ARHGEF12: variants seen among roughly 807,000 people sequenced by gnomAD.
The protein encoded by ARHGEF12 is KMT2A/ARHGEF12 fusion protein.
A neutral mutation model predicts 211.2 loss-of-function variants in ARHGEF12; 66 were observed. The ratio of observed to expected loss-of-function variants is 0.31; its 90% CI spans 0.26 to 0.38. The LOEUF (loss-of-function observed/expected upper bound fraction) is 0.38. ARHGEF12 is among the 10% of genes least tolerant of loss of function. ARHGEF12 has a pLI of 1.00. For synonymous variants in ARHGEF12, 592 were observed against 638.4 expected (o/e 0.93, Z 1.09); for missense variants, 1,429 against 1,869.5 (o/e 0.76, Z 4.34).
Position 120,485,698 on chromosome 11 carries a change from T to C in ARHGEF12, c.*621T>C. ...GCTTCTCTGAGGGTCACCTCAAAGG[T>C]ATGCTATGCCGTGTGGCTCTTATGT... On this transcript the variant is annotated 3_prime_UTR_variant, in exon 41 of 41. Coordinates refer to ENST00000397843, the MANE Select transcript of ARHGEF12 (RefSeq NM_015313.3). 1 of 233,870 alleles carries C rather than the reference T, an allele frequency of 4.3e-6. No homozygotes were observed. Among genetic ancestry groups the C allele is most frequent in the Non-Finnish European group, 8.5e-6 (1 of 118,190 alleles). The allele number at this position is 233,870 out of a possible 1,614,324, so 14.5% of individuals were successfully genotyped here. A position where few individuals can be genotyped will look rare whatever the true frequency, so the allele number is the denominator to read the frequency against.
At chr11:120,454,222 TCA>T (rs1946294732) in intron 22 of ARHGEF12, among the ~76,000 whole-genome samples, 1 of 152,104 alleles carries the variant, frequency 6.6e-6, no homozygotes, top group Admixed American at 6.5e-5. Context: ...AACACGAACA[TCA>T]TTACTCACCC....
intron 24 of ARHGEF12, 109 bp from the exon 25 acceptor site, chr11:120,457,971 A>G: frequency 7.5e-7 from 1 of 1,335,354 alleles, no homozygotes; most frequent in Non-Finnish European, 1.0e-6. Context: ...TTTCAGTGCT[A>G]AGTCAGATTC....
In ARHGEF12 at chr11:120,477,437, T is replaced by G. The variant is rs542449541; in HGVS notation, c.3453-10T>G. 2.1e-4 allele frequency: 335 copies of G among 1,577,078 alleles called. No homozygotes were observed. Among genetic ancestry groups the G allele is most frequent in the Admixed American group, 7.1e-4 (36 of 50,966 alleles). ...GGTAAAAGTTTTTTTTTTTTTTTTTTTCTCTACAGAGGAGATAATGATGAA... is the reference window on the plus strand; with the variant it reads ...GGTAAAAGTTTTTTTTTTTTTTTTTGTCTCTACAGAGGAGATAATGATGAA... On this transcript the variant is annotated splice_polypyrimidine_tract_variant and intron_variant, in intron 35 of 40. Transcript: ENST00000397843.
At position 120,478,357 on chromosome 11, in the gene ARHGEF12, A is replaced by T. The variant is rs368708594; in HGVS notation, c.3734A>T (p.Glu1245Val). The T allele has an allele frequency of 6.8e-5, 110 of 1,614,104 alleles. No homozygotes were observed. The highest frequency in any genetic ancestry group is 8.7e-5 in the Non-Finnish European group (103 of 1,180,036). Reference sequence around the variant, plus strand: ...CCAGATTCACACCTGCCTGTCTCAGAAGAACGGTGGGCATTGGATGCACTA... The same window carrying T: ...CCAGATTCACACCTGCCTGTCTCAGTAGAACGGTGGGCATTGGATGCACTA... ...AIPDSHLPVS[E>V]ERWALDALRN... The change falls in exon 37 of 41, where the codon GAA (glutamate) becomes GTA (valine). Residue 1245 changes from glutamate (E) to valine (V), a missense_variant. Glu to Val is a moderately radical substitution (Grantham distance 121). This residue lies in a region of ARHGEF12 where 467 missense variants were observed against 468.4 expected (regional missense o/e 1.00). Transcript: ENST00000397843.
rs756944324 is a variant in ARHGEF12, at chr11:120,424,414, A to G, written c.405A>G (p.Lys135=). 1.9e-6 allele frequency: 3 copies of G among 1,612,646 alleles called. No homozygotes were observed. The highest frequency in any genetic ancestry group is 2.5e-6 in the Non-Finnish European group (3 of 1,179,044). Residue 135 remains lysine, a splice_region_variant and synonymous_variant, in exon 7 of 41, where the codon AAA becomes AAG. Coordinates refer to ENST00000397843, the MANE Select transcript of ARHGEF12 (RefSeq NM_015313.3). ...SNHLEVVKLI[K]SGSYVALTVQ... ...ATCTGGAGGTGGTGAAGCTAATCAA[A>G]TGTAGGTGAATGTTATTCTTAGTTT...
At chr11:120,466,886 T>A (rs1946719356) in intron 28 of ARHGEF12, among the ~76,000 whole-genome samples, 1 of 152,194 alleles carries the variant, frequency 6.6e-6, no homozygotes. Flanking sequence ...GGACCTAGAT[T>A]TTCTGAATAG....
intron 33 of ARHGEF12, chr11:120,476,010 A>G (rs980372839): frequency 6.5e-6 from 1 of 152,874 alleles, no homozygotes; most frequent in African/African-American, 2.4e-5. Flanking sequence ...CAACTTAGCA[A>G]AAGTGCAGTT....
rs1429666525 is a variant in ARHGEF12, at chr11:120,428,075, C to T, written c.413C>T (p.Ser138Phe). ...TCCGTCTCCCCACCCCAAGCTGGTT[C>T]CTATGTAGCTCTCACTGTTCAGGGA... ...LEVVKLIKSG[S>F]YVALTVQGRP... The change falls in exon 8 of 41, where the codon TCC becomes TTC. Residue 138 changes from serine (S) to phenylalanine (F), a missense_variant. This residue lies in a region of ARHGEF12 where 254 missense variants were observed against 286.4 expected (regional missense o/e 0.89). Coordinates refer to ENST00000397843, the MANE Select transcript of ARHGEF12 (RefSeq NM_015313.3). 1 of 1,574,722 alleles carries T rather than the reference C, an allele frequency of 6.4e-7. No individual in the cohort carries two copies. The highest frequency in any genetic ancestry group is 1.8e-5 in the Admixed American group (1 of 54,936).
At chr11:120,348,703 T>TG (rs915410583) in intron 1 of ARHGEF12, among the ~76,000 whole-genome samples, 5 of 152,082 alleles carry the variant, frequency 3.3e-5, no homozygotes, top group African/African-American at 1.2e-4. Flanking sequence ...TAGCTGGGCA[T>TG]GGTGGCACAT....
chr11:120,421,849 C>T lies in ARHGEF12; in HGVS notation c.345C>T (p.Ile115=). Residue 115 remains isoleucine (I), a synonymous_variant, in exon 6 of 41, where the codon ATC becomes ATT. Transcript: ENST00000397843. ...RAGVQTGDRI[I]KVNGTLVTHS... is the part of the protein sequence containing the mutation. ...GAGTACAGACAGGTGATCGAATCATCAAGGTAAGGAATAGGCTATTATAGA... is the reference window on the plus strand; with the variant it reads ...GAGTACAGACAGGTGATCGAATCATTAAGGTAAGGAATAGGCTATTATAGA... The T allele has an allele frequency of 6.2e-7, 1 of 1,609,942 alleles. No homozygotes were observed. The highest frequency in any genetic ancestry group is 8.5e-7 in the Non-Finnish European group (1 of 1,177,726).
chr11:120,432,420 A>G (rs925182461), intron 11 of ARHGEF12, among the ~76,000 whole-genome samples: 2 of 152,238 alleles, frequency 1.3e-5, no homozygotes, highest in African/African-American at 4.8e-5. Flanking sequence ...CTATCTGTTA[A>G]GATGATAATA....
At chr11:120,453,927 T>C (rs1591613458) in intron 22 of ARHGEF12, among the ~76,000 whole-genome samples, 1 of 152,238 alleles carries the variant, frequency 6.6e-6, no homozygotes, top group South Asian at 2.1e-4. Context: ...AAAATAGTTA[T>C]ATCAGCAGCT....
intron 1 of ARHGEF12, among the ~76,000 whole-genome samples, chr11:120,397,512 C>G (rs1422192711): frequency 6.6e-6 from 1 of 152,118 alleles, no homozygotes; most frequent in Non-Finnish European, 1.5e-5. Context: ...CTTTATTATG[C>G]TGAAAAATTA....
At chr11:120,424,321 A>G (rs773904231) in intron 6 of ARHGEF12, 37 bp from the exon 7 acceptor site, 1 of 1,503,194 alleles carries the variant, frequency 6.7e-7, no homozygotes, top group Non-Finnish European at 9.2e-7. Flanking sequence ...GTCTCAATAG[A>G]ATGTATCTGA....
chr11:120,449,245 A>G (rs1419499191), intron 21 of ARHGEF12, 31 bp downstream of exon 21: 1 of 1,564,120 alleles, frequency 6.4e-7, no homozygotes, highest in Admixed American at 1.7e-5. Flanking sequence ...CTGCATTTTC[A>G]GTACTCCAGG....
At chr11:120,472,970 A>G (rs1474986250) in intron 30 of ARHGEF12, 80 bp from the exon 31 acceptor site, 2 of 1,396,650 alleles carry the variant, frequency 1.4e-6, no homozygotes, top group African/African-American at 2.8e-5. Context: ...GGAGATTTTA[A>G]ATGCCAAGTT....
intron 1 of ARHGEF12, among the ~76,000 whole-genome samples, chr11:120,351,222 G>C (rs977200560): frequency 2.0e-5 from 3 of 149,482 alleles, no homozygotes; most frequent in Admixed American, 6.7e-5. Context: ...GTGGTAGCAG[G>C]CGCCTGTAGT....
At chr11:120,450,490 G>C (rs1466201997) in intron 21 of ARHGEF12, 3 of 151,622 alleles carry the variant, frequency 2.0e-5, no homozygotes, top group Admixed American at 6.6e-5. Context: ...GCCTCTTGTT[G>C]AGAAACATTG....
rs1341163516 is a variant in ARHGEF12, at chr11:120,428,110, G to T, written c.448G>T (p.Gly150Trp). ...VALTVQGRPP[G>W]SPQIPLADSE... ...TCTCACTGTTCAGGGACGCCCACCT[G>T]GGTCGCCCCAGATTCCACTTGCCGA... The change falls in exon 8 of 41, where the codon GGG becomes TGG. Residue 150 changes from glycine (G) to tryptophan (W), a missense_variant. Coordinates refer to ENST00000397843, the MANE Select transcript of ARHGEF12 (RefSeq NM_015313.3). The T allele has an allele frequency of 3.1e-6, 5 of 1,607,968 alleles. No homozygotes were observed. The highest frequency in any genetic ancestry group is 1.3e-5 in the African/African-American group (1 of 74,796).
Sources: allele counts gnomAD v4.1 joint callset (sites outside exome capture counted in the v4.1 genomes callset), GRCh38; gene constraint gnomAD v4.1.1; regional missense constraint gnomAD v4.1.1; transcripts MANE v1.5; gene names NCBI Gene and HGNC (gene_info 2026-07-23, HGNC 2026-07-21).